CDH8: variants seen among roughly 807,000 people sequenced by gnomAD.
CDH8 encodes cadherin 8.
A neutral mutation model predicts 68.1 loss-of-function variants in CDH8; 17 were observed. That is an observed-to-expected ratio of 0.25 (90% CI 0.17 to 0.37). The LOEUF (loss-of-function observed/expected upper bound fraction) is 0.37. Ranked by LOEUF, CDH8 falls within the 10% of genes least tolerant of loss-of-function variation. The pLI is 1.00. For missense variants in CDH8, 763 were observed against 999.3 expected (o/e 0.76, Z 3.19); for synonymous variants, 372 against 365.1 (o/e 1.02, Z -0.21).
intron 8 of CDH8, among the ~76,000 whole-genome samples, chr16:61,736,234 T>C (rs752238865): frequency 6.6e-6 from 1 of 152,050 alleles, no homozygotes; most frequent in Non-Finnish European, 1.5e-5. Context: ...CCAGAGACCA[T>C]GCCATCACCA....
At chr16:61,913,241 TG>T (rs1309114945) in intron 2 of CDH8, among the ~76,000 whole-genome samples, 1 of 152,170 alleles carries the variant, frequency 6.6e-6, no homozygotes, top group East Asian at 1.9e-4. Flanking sequence ...TTAATAATTT[TG>T]TGCACCAGTC....
At chr16:61,878,241 G>C (rs1963499651) in intron 3 of CDH8, among the ~76,000 whole-genome samples, 1 of 152,170 alleles carries the variant, frequency 6.6e-6, no homozygotes, top group African/African-American at 2.4e-5. Flanking sequence ...GAAGTACTTT[G>C]GATTTCTTTG....
At chr16:61,815,781 G>T (rs564469398) in intron 7 of CDH8, among the ~76,000 whole-genome samples, 1 of 152,140 alleles carries the variant, frequency 6.6e-6, no homozygotes, top group East Asian at 1.9e-4. Context: ...CCTGCTTGGA[G>T]ATGTAAAGGA....
At chr16:62,005,306 G>C (rs903721610) in intron 2 of CDH8, among the ~76,000 whole-genome samples, 4 of 152,186 alleles carry the variant, frequency 2.6e-5, no homozygotes, top group Non-Finnish European at 5.9e-5. Flanking sequence ...CAATATTCTT[G>C]CATGTGTGGT....
At position 61,970,547 on chromosome 16, in the gene CDH8, AT is replaced by A. The variant is rs1965320993; in HGVS notation, c.252+50604del. On this transcript the variant is annotated intron_variant, in intron 2 of 11. Transcript: ENST00000577390. ...TAAAGCTGAAAAAAATAAAAGAAAA[AT>A]GAGGAACTCTGTGAGAAAATAAATA... Among the ~76,000 whole-genome samples, 4 of 152,352 alleles carry A rather than the reference AT, an allele frequency of 2.6e-5. No individual in the cohort carries two copies. The South Asian group carries it at 8.3e-4, about 32-fold the overall frequency.
rs1367266377 is a variant in CDH8 at position 62,013,259 on chromosome 16, C to T, written c.252+7893G>A. Among the ~76,000 whole-genome samples, 2 of 5,824 alleles carry T rather than the reference C, an allele frequency of 3.4e-4. 1 individual carries two copies. Among genetic ancestry groups the T allele is most frequent in the African/African-American group, 1.1e-3 (2 of 1,826 alleles). The allele number at this position is 5,824 out of a possible 152,430, so 3.8% of individuals were successfully genotyped here. A position where few individuals can be genotyped will look rare whatever the true frequency, so the allele number is the denominator to read the frequency against. ...CCTGGGCGACAGAGCGAGACTCCGT[C>T]TCAAAAAAAAAAAAAAAAAAAAAAA... On this transcript the variant is annotated intron_variant, in intron 2 of 11. Coordinates refer to ENST00000577390, the MANE Select transcript of CDH8 (RefSeq NM_001796.5).
At chr16:61,983,775 A>G (rs1011864282) in intron 2 of CDH8, among the ~76,000 whole-genome samples, 5 of 152,204 alleles carry the variant, frequency 3.3e-5, no homozygotes, top group African/African-American at 9.6e-5. Flanking sequence ...TGGAAAGTCC[A>G]AGATCAGGAT....
At chr16:61,654,564 T>C (rs1217746071) in intron 11 of CDH8, among the ~76,000 whole-genome samples, 1 of 152,210 alleles carries the variant, frequency 6.6e-6, no homozygotes, top group Non-Finnish European at 1.5e-5. Flanking sequence ...AATTAAATTA[T>C]GTTCTTTTAT....
chr16:61,866,597 T>A (rs1963259448), intron 3 of CDH8, among the ~76,000 whole-genome samples: 1 of 151,788 alleles, frequency 6.6e-6, no homozygotes, highest in South Asian at 2.1e-4. Flanking sequence ...TATATACACA[T>A]TATATAATTA....
chr16:61,720,684 G>C (rs1468862857), intron 9 of CDH8, among the ~76,000 whole-genome samples: 1 of 150,682 alleles, frequency 6.6e-6, no homozygotes, highest in East Asian at 2.0e-4. Flanking sequence ...TTCCCATGGG[G>C]AAGAGTGAAG....
At chr16:61,951,278 G>A (rs1964893010) in intron 2 of CDH8, among the ~76,000 whole-genome samples, 1 of 152,092 alleles carries the variant, frequency 6.6e-6, no homozygotes, top group East Asian at 1.9e-4. Flanking sequence ...TTGGGAGGCT[G>A]AGGCAGGCGG....
intron 3 of CDH8, among the ~76,000 whole-genome samples, chr16:61,898,040 A>C (rs1963899950): frequency 6.6e-6 from 1 of 152,118 alleles, no homozygotes; most frequent in Admixed American, 6.5e-5. Context: ...GGTGGTTCAC[A>C]ACTGTAATCC....
intron 4 of CDH8, among the ~76,000 whole-genome samples, chr16:61,852,164 T>A (rs1277571128): frequency 6.6e-6 from 1 of 152,160 alleles, no homozygotes; most frequent in East Asian, 1.9e-4. Context: ...CTGTTCTTTT[T>A]ATTCTTCCTG....
At chr16:61,817,157 A>G (rs184567134) in intron 7 of CDH8, among the ~76,000 whole-genome samples, 1 of 152,306 alleles carries the variant, frequency 6.6e-6, no homozygotes, top group Non-Finnish European at 1.5e-5. Context: ...AAACAAAAAC[A>G]TAAAAATAAC....
chr16:61,869,807 A>T (rs1156877464), intron 3 of CDH8, among the ~76,000 whole-genome samples: 1 of 152,224 alleles, frequency 6.6e-6, no homozygotes, highest in Non-Finnish European at 1.5e-5. Context: ...AAATTCTGAC[A>T]TTATTTAAAA....
chr16:61,838,246 C>A (rs1962610028), intron 4 of CDH8, among the ~76,000 whole-genome samples: 1 of 152,106 alleles, frequency 6.6e-6, no homozygotes. Context: ...TTCTCATTCT[C>A]CACTGCCTCC....
intron 7 of CDH8, among the ~76,000 whole-genome samples, chr16:61,808,249 C>T (rs893936540): frequency 1.3e-5 from 2 of 152,048 alleles, no homozygotes; most frequent in Middle Eastern, 3.2e-3. Context: ...GAAGAGATTA[C>T]AGTGAAGGGA....
intron 10 of CDH8, among the ~76,000 whole-genome samples, chr16:61,696,318 T>C (rs969211784): frequency 6.6e-6 from 1 of 152,212 alleles, no homozygotes; most frequent in East Asian, 1.9e-4. Context: ...GGAATTAAAC[T>C]GACCCATCAG....
At chr16:61,778,714 G>T (rs77282322) in intron 8 of CDH8, among the ~76,000 whole-genome samples, 4 of 151,930 alleles carry the variant, frequency 2.6e-5, no homozygotes, top group Non-Finnish European at 4.4e-5. Flanking sequence ...AATCATTTCC[G>T]TTCACAGACG....
Sources: allele counts gnomAD v4.1 joint callset (sites outside exome capture counted in the v4.1 genomes callset), GRCh38; gene constraint gnomAD v4.1.1; transcripts MANE v1.5; gene names NCBI Gene and HGNC (gene_info 2026-07-23, HGNC 2026-07-21).